The following RBFOX2 variants were observed in gnomAD, a reference collection of about 807,000 sequenced individuals.
RBFOX2 encodes RNA binding fox-1 homolog 2.
A neutral mutation model predicts 49.1 loss-of-function variants in RBFOX2; 10 were observed. That is an observed-to-expected ratio of 0.20 (90% confidence interval 0.13 to 0.35). The LOEUF (loss-of-function observed/expected upper bound fraction) is 0.35. Ranked by LOEUF, RBFOX2 falls within the 10% of genes least tolerant of loss-of-function variation. RBFOX2 has a pLI of 1.00. For synonymous variants in RBFOX2, 183 were observed against 187.4 expected, an observed-to-expected ratio of 0.98 and a Z score of 0.19; for missense variants, 323 against 486.9, an observed-to-expected ratio of 0.66 and a Z score of 3.17.
At chr22:35,780,041 C>T (rs1298780459) in intron 3 of RBFOX2, among the ~76,000 whole-genome samples, 2 of 152,068 alleles carry the variant, frequency 1.3e-5, no homozygotes, top group African/African-American at 4.8e-5. Context: ...ACTCATGCTC[C>T]CGAGAAGTTT....
chr22:35,878,351 T>C (rs1391841436), intron 1 of RBFOX2, among the ~76,000 whole-genome samples: 1 of 152,108 alleles, frequency 6.6e-6, no homozygotes, highest in Non-Finnish European at 1.5e-5. Flanking sequence ...TGAGCCGAGA[T>C]CATGTCATTG....
intron 1 of RBFOX2, among the ~76,000 whole-genome samples, chr22:35,945,210 T>C (rs1470709584): frequency 1.3e-5 from 2 of 152,198 alleles, no homozygotes; most frequent in African/African-American, 4.8e-5. Flanking sequence ...TCACCTTGCA[T>C]GTATCTAATA....
At chr22:35,774,561 ATATG>A (rs1444932393) in intron 4 of RBFOX2, among the ~76,000 whole-genome samples, 1 of 152,192 alleles carries the variant, frequency 6.6e-6, no homozygotes, top group Non-Finnish European at 1.5e-5. Context: ...ATTTAAATAT[ATATG>A]TATGCACGTG....
Position 35,950,023 on chromosome 22 carries a change from T to C in RBFOX2, c.43-11126A>G, listed in dbSNP as rs112014439. ...CACGAGGATTTACTCTAAGTTTTCT[T>C]CTAAGAGTTTTATAGTTTTAGCTCT... is the stretch of plus-strand genomic sequence containing the variant. On this transcript the variant is annotated intron_variant, in intron 1 of 5. Coordinates refer to the RBFOX2 transcript ENST00000408983. 2.4e-3 allele frequency among the ~76,000 whole-genome samples: 359 copies of C among 152,286 alleles called. 1 individual carries two copies. Among genetic ancestry groups the C allele is most frequent in the African/African-American group, 8.5e-3 (352 of 41,582 alleles).
chr22:35,919,371 C>T (rs1052279543), intron 1 of RBFOX2, among the ~76,000 whole-genome samples: 3 of 152,122 alleles, frequency 2.0e-5, no homozygotes, highest in African/African-American at 7.2e-5. Flanking sequence ...AATGCCACCT[C>T]AACTAAAAAT....
At chr22:36,009,596 C>G (rs1202231328) in intron 1 of RBFOX2, among the ~76,000 whole-genome samples, 1 of 152,000 alleles carries the variant, frequency 6.6e-6, no homozygotes, top group East Asian at 1.9e-4. Context: ...ACCATGTTGC[C>G]CAGGCTAGTC....
chr22:36,021,917 TAAG>T (rs1032697751), intron 1 of RBFOX2, among the ~76,000 whole-genome samples: 2 of 152,138 alleles, frequency 1.3e-5, no homozygotes, highest in African/African-American at 4.8e-5. Flanking sequence ...TAGAGGAGAA[TAAG>T]AAGAAACTCA....
At position 35,980,590 on chromosome 22, in the gene RBFOX2, T is replaced by C. The variant is rs558990413; in HGVS notation, c.187-41693A>G. 2.2e-5 allele frequency among the ~76,000 whole-genome samples: 3 copies of C among 136,442 alleles called. No individual in the cohort carries two copies. The East Asian group carries it at 6.3e-4, about 29-fold the overall frequency. The allele number at this position is 136,442 out of a possible 152,430, so 89.5% of individuals were successfully genotyped here. A position where few individuals can be genotyped will look rare whatever the true frequency, so the allele number is the denominator to read the frequency against. On this transcript the variant is annotated intron_variant, in intron 1 of 13. Transcript: ENST00000438146. Reference sequence around the variant, plus strand: ...AAAGTAACCAGGCTTTACCATCAATTAGGTGAAAATTAAGCGGTTTTCTTC... The same window carrying C: ...AAAGTAACCAGGCTTTACCATCAATCAGGTGAAAATTAAGCGGTTTTCTTC...
chr22:35,779,495 T>C (rs1401318959), intron 3 of RBFOX2, among the ~76,000 whole-genome samples: 4 of 152,234 alleles, frequency 2.6e-5, no homozygotes, highest in African/African-American at 7.2e-5. Context: ...TTTGGTTTAA[T>C]AGAAGAATCA....
exon 2 of RBFOX2, chr22:35,809,991 G>A (rs150388915): frequency 1.2e-5 from 20 of 1,613,858 alleles, no homozygotes; most frequent in South Asian, 2.2e-5. Context: ...AGTTGTTGTC[G>A]GCTCCTGGTT....
At chr22:35,801,860 A>G (rs1949850639) in intron 2 of RBFOX2, among the ~76,000 whole-genome samples, 1 of 151,742 alleles carries the variant, frequency 6.6e-6, no homozygotes, top group African/African-American at 2.4e-5. Context: ...TGTACACTTA[A>G]AAAAAAAGCA....
At position 35,801,428 on chromosome 22, in the gene RBFOX2, T is replaced by TACAC. The variant is rs10623033; in HGVS notation, c.252+8348_252+8351dup. ...GTTCAAACTCTCTATATACAACACA[T>TACAC]ACACACACACACACACACACTCTCT... On this transcript the variant is annotated intron_variant, in intron 2 of 11. Transcript: ENST00000405409. 8.4e-4 allele frequency among the ~76,000 whole-genome samples: 121 copies of TACAC among 143,618 alleles called. 1 individual carries two copies. Among genetic ancestry groups the TACAC allele is most frequent in the South Asian group, 1.1e-3 (5 of 4,466 alleles). 94.2% of individuals were successfully genotyped at this position (143,618 alleles called of 152,430 possible). A position where few individuals can be genotyped will look rare whatever the true frequency, so the allele number is the denominator to read the frequency against.
chr22:35,760,218 T>A (rs1182191097), intron 8 of RBFOX2, among the ~76,000 whole-genome samples, 198 bp from the exon 10 acceptor site: 1 of 152,210 alleles, frequency 6.6e-6, no homozygotes, highest in Non-Finnish European at 1.5e-5. Context: ...AGACCCAACA[T>A]GCAAAAGCAA....
intron 1 of RBFOX2, chr22:35,993,429 C>T (rs1313167979): frequency 6.6e-6 from 1 of 152,184 alleles, no homozygotes; most frequent in African/African-American, 2.4e-5. Flanking sequence ...GTAGGTCCTG[C>T]TTTTCCTCCC....
At chr22:35,801,462 CT>C in intron 2 of RBFOX2, among the ~76,000 whole-genome samples, 1 of 151,948 alleles carries the variant, frequency 6.6e-6, no homozygotes, top group Admixed American at 6.6e-5. Context: ...CTCTCTCTCT[CT>C]CTCTCCCTCC....
Position 35,917,668 on chromosome 22 carries a change from C to T in RBFOX2, c.-34+21179G>A, listed in dbSNP as rs897926442. Among the ~76,000 whole-genome samples the T allele has an allele frequency of 4.6e-5, 7 of 151,900 alleles. No homozygotes were observed. The East Asian group carries it at 5.8e-4, about 13-fold the overall frequency. ...TACTCACTGGACACAGTGCACTGCA[C>T]GGGAGGCTGGGAGAAGGGGAGGCCA... On this transcript the variant is annotated intron_variant, in intron 1 of 13. Transcript: ENST00000359369.
At chr22:35,805,207 G>A (rs1166895945) in intron 2 of RBFOX2, among the ~76,000 whole-genome samples, 3 of 149,894 alleles carry the variant, frequency 2.0e-5, no homozygotes, top group African/African-American at 7.4e-5. Context: ...GGAGAATGGC[G>A]TGAACCCGGG....
At chr22:35,798,592 G>A (rs1376346329) in intron 2 of RBFOX2, among the ~76,000 whole-genome samples, 3 of 152,048 alleles carry the variant, frequency 2.0e-5, no homozygotes, top group Non-Finnish European at 2.9e-5. Context: ...TAACTCAATG[G>A]AGTTAACACA....
intron 2 of RBFOX2, among the ~76,000 whole-genome samples, chr22:35,793,327 C>T (rs377288185): frequency 1.2e-4 from 18 of 152,140 alleles, no homozygotes; most frequent in African/African-American, 4.3e-4. Flanking sequence ...GAGCTGAAAC[C>T]ACGCCATCAC....
Sources: gnomAD v4.1 joint callset for allele counts (sites outside exome capture counted in the v4.1 genomes callset) on GRCh38, gnomAD v4.1.1 for gene constraint, MANE v1.5 for transcripts, NCBI Gene and HGNC (gene_info 2026-07-23, HGNC 2026-07-21) for gene names.